Variants in MORC1 observed in about 807,000 individuals in gnomAD.
The protein encoded by MORC1 is MORC family CW-type zinc finger 1.
In MORC1, 59 loss-of-function variants were observed where a neutral mutation model predicts 134.9. The ratio of observed to expected loss-of-function variants is 0.44; its 90% CI spans 0.35 to 0.54. MORC1 has a LOEUF of 0.54. Ranked by LOEUF, MORC1 falls within the 20% of genes least tolerant of loss-of-function variation. The pLI, the probability that MORC1 is intolerant of heterozygous loss-of-function variation, is 0.00. For missense variants in MORC1, 947 were observed against 1,134.5 expected (o/e 0.83, Z 2.37); for synonymous variants, 395 against 391.7 (o/e 1.01, Z -0.10).
intron 14 of MORC1, among the ~76,000 whole-genome samples, chr3:109,036,321 T>C (rs762664950): frequency 1.1e-4 from 16 of 152,136 alleles, no homozygotes; most frequent in Non-Finnish European, 2.4e-4. Flanking sequence ...AATCACTTTA[T>C]GTAATGTATG....
At chr3:109,098,178 T>C (rs1309931682) in intron 6 of MORC1, among the ~76,000 whole-genome samples, 1 of 152,128 alleles carries the variant, frequency 6.6e-6, no homozygotes, top group Non-Finnish European at 1.5e-5. Context: ...CCTGAGTAGC[T>C]GGGACTACAG....
chr3:109,049,032 C>G (rs1466342999), intron 14 of MORC1: 2 of 601,242 alleles, frequency 3.3e-6, no homozygotes, highest in African/African-American at 4.0e-5. Context: ...TCTTTAACTT[C>G]AAAAACTGAA....
Position 108,969,675 on chromosome 3 carries a change from G to A in MORC1, c.2598C>T (p.Phe866=), listed in dbSNP as rs138551884. 4.7e-5 allele frequency: 76 copies of A among 1,613,626 alleles called. No homozygotes were observed. The African/African-American group carries it at 9.2e-4, about 20-fold the overall frequency. The part of the protein sequence containing the change: ...EQMNKKLKMC[F]NQIQNTYMVQ... ...ATACTGAAAGGAAGCTTACCTGGTT[G>A]AAACACATTTTCAGCTTTTTGTTCA... Residue 866 remains phenylalanine (F), a synonymous_variant, in exon 26 of 28, where the codon TTC becomes TTT. Coordinates refer to ENST00000232603, the MANE Select transcript of MORC1 (RefSeq NM_014429.4).
intron 21 of MORC1, among the ~76,000 whole-genome samples, chr3:108,996,143 C>G (rs1201717718): frequency 2.0e-5 from 3 of 152,098 alleles, no homozygotes; most frequent in Non-Finnish European, 4.4e-5. Context: ...GAAAAGAATA[C>G]TTGCCTCTCA....
intron 14 of MORC1, among the ~76,000 whole-genome samples, chr3:109,039,862 C>T (rs954363117): frequency 8.5e-5 from 13 of 152,192 alleles, no homozygotes; most frequent in African/African-American, 2.9e-4. Flanking sequence ...GGAGTGAATT[C>T]CAGGGGATTT....
At chr3:108,966,936 T>C (rs1324353961) in intron 26 of MORC1, among the ~76,000 whole-genome samples, 1 of 152,230 alleles carries the variant, frequency 6.6e-6, no homozygotes. Context: ...AATGCTATTA[T>C]GAATCATCTA....
At chr3:109,107,329 T>G (rs951583717) in intron 3 of MORC1, among the ~76,000 whole-genome samples, 1 of 152,130 alleles carries the variant, frequency 6.6e-6, no homozygotes, top group Non-Finnish European at 1.5e-5. Flanking sequence ...GTTCCTACAC[T>G]TTTTTGGAAC....
intron 7 of MORC1, among the ~76,000 whole-genome samples, chr3:109,094,103 A>T (rs1188987261): frequency 5.9e-5 from 9 of 152,180 alleles, no homozygotes; most frequent in Admixed American, 5.2e-4. Context: ...GCAGCAATGG[A>T]GAATACATAA....
chr3:109,055,573 C>T (rs2107670715), intron 13 of MORC1, among the ~76,000 whole-genome samples: 1 of 152,284 alleles, frequency 6.6e-6, no homozygotes, highest in South Asian at 2.1e-4. Flanking sequence ...TAAATTTGGG[C>T]TTCATTCTTC....
intron 12 of MORC1, 28 bp downstream of exon 12, chr3:109,059,778 C>T (rs376318342): frequency 5.6e-6 from 9 of 1,597,520 alleles, no homozygotes; most frequent in South Asian, 1.1e-5. Context: ...ACAGAGGATT[C>T]CTGCAAACAG....
At chr3:109,065,802 G>T (rs573583781) in intron 9 of MORC1, among the ~76,000 whole-genome samples, 1 of 152,218 alleles carries the variant, frequency 6.6e-6, no homozygotes, top group East Asian at 1.9e-4. Flanking sequence ...TTTTTAAAAA[G>T]TGGTACATAT....
chr3:109,065,835 C>G (rs982680980), intron 9 of MORC1, among the ~76,000 whole-genome samples: 1 of 152,020 alleles, frequency 6.6e-6, no homozygotes, highest in African/African-American at 2.4e-5. Context: ...ACTACACAGC[C>G]ATAAAAAAGA....
At chr3:109,058,093 A>C (rs1183387349) in intron 12 of MORC1, among the ~76,000 whole-genome samples, 1 of 152,206 alleles carries the variant, frequency 6.6e-6, no homozygotes, top group Non-Finnish European at 1.5e-5. Context: ...ATTGAGAAAT[A>C]CCAAAATGTG....
intron 16 of MORC1, among the ~76,000 whole-genome samples, chr3:109,032,377 G>GAC (rs1214744802): frequency 6.6e-6 from 1 of 152,146 alleles, no homozygotes; most frequent in African/African-American, 2.4e-5. Context: ...TGCCCCTGGA[G>GAC]ACACTCTCTG....
intron 25 of MORC1, among the ~76,000 whole-genome samples, chr3:108,970,940 G>C (rs1947360116): frequency 1.3e-5 from 2 of 152,104 alleles, no homozygotes; most frequent in Non-Finnish European, 2.9e-5. Context: ...GTGATGTCTT[G>C]GTGATTTCGG....
intron 23 of MORC1, among the ~76,000 whole-genome samples, chr3:108,983,790 T>C (rs1227039033): frequency 1.3e-5 from 2 of 152,106 alleles, no homozygotes; most frequent in African/African-American, 4.8e-5. Flanking sequence ...GAGACTTAAA[T>C]GAAAGGGTAA....
rs1460955005 is a variant in MORC1 at position 109,046,053 on chromosome 3, CTGAG to C, written c.1330+8671_1330+8674del. ...TAAACAAATTATGAATTTAATAACACTGAGTAATTTTATATTTTACTACCCACAA... is the reference window on the plus strand; with the variant it reads ...TAAACAAATTATGAATTTAATAACACTAATTTTATATTTTACTACCCACAA... On this transcript the variant is annotated intron_variant, in intron 14 of 27. Coordinates refer to ENST00000232603, the MANE Select transcript of MORC1 (RefSeq NM_014429.4). 3.9e-5 allele frequency among the ~76,000 whole-genome samples: 6 copies of C among 152,248 alleles called. No homozygotes were observed. The South Asian group carries it at 1.0e-3, about 26-fold the overall frequency.
chr3:109,016,426 A>C (rs546921690), intron 17 of MORC1, among the ~76,000 whole-genome samples: 4 of 152,306 alleles, frequency 2.6e-5, no homozygotes, highest in African/African-American at 7.2e-5. Flanking sequence ...AAAAAAAGTT[A>C]AGATTTTTAG....
chr3:109,054,794 C>A lies in MORC1; in HGVS notation c.1264G>T (p.Glu422Ter). 1 of 1,606,014 alleles carries A rather than the reference C, an allele frequency of 6.2e-7. No homozygotes were observed. The highest frequency in any genetic ancestry group is 8.5e-7 in the Non-Finnish European group (1 of 1,178,166). ...HNKQEFLNVQ[E>*]YNHLLKVMGQ... Reference sequence around the variant, plus strand: ...ATGACTTTTAGTAGATGATTATACTCTTGGACATTGAGAAATTCCTGTTTA... The same window carrying A: ...ATGACTTTTAGTAGATGATTATACTATTGGACATTGAGAAATTCCTGTTTA... The change falls in exon 14 of 28, where the codon GAG becomes TAG. Residue 422 changes from glutamate to a stop codon, truncating the protein, a stop_gained. Transcript: ENST00000232603. LOFTEE classifies it high-confidence loss of function.
Sources: gnomAD v4.1 joint callset for allele counts (sites outside exome capture counted in the v4.1 genomes callset) on GRCh38, gnomAD v4.1.1 for gene constraint, MANE v1.5 for transcripts, NCBI Gene and HGNC (gene_info 2026-07-23, HGNC 2026-07-21) for gene names.